The following RBM17 variants were observed in gnomAD, a reference collection of about 807,000 sequenced individuals.
The protein encoded by RBM17 is RNA binding motif protein 17.
A neutral mutation model predicts 53.2 loss-of-function variants in RBM17; 7 were observed. The ratio of observed to expected loss-of-function variants is 0.13; its 90% CI spans 0.07 to 0.25. The LOEUF (loss-of-function observed/expected upper bound fraction) is 0.25, where lower values mean the gene tolerates loss of function less well. Ranked by LOEUF, RBM17 falls within the 10% of genes least tolerant of loss-of-function variation. The probability of loss-of-function intolerance (pLI) is 1.00; values close to 1 mark genes in which losing one functional copy is unlikely to be tolerated. For missense variants in RBM17, 257 were observed against 496.7 expected (o/e 0.52, Z 4.59); for synonymous variants, 167 against 178.1 (o/e 0.94, Z 0.50).
chr10:6,106,104 C>G, intron 4 of RBM17, 37 bp from the exon 5 acceptor site: 1 of 1,485,844 alleles, frequency 6.7e-7, no homozygotes, highest in Non-Finnish European at 9.4e-7. Flanking sequence ...TAAATTGGTT[C>G]ATCTGTGATG....
At chr10:6,098,257 G>T (rs1306906156) in intron 2 of RBM17, among the ~76,000 whole-genome samples, 1 of 152,190 alleles carries the variant, frequency 6.6e-6, no homozygotes, top group African/African-American at 2.4e-5. Context: ...GTTGTGCACA[G>T]TGTATCTGTG....
chr10:6,099,845 G>A (rs1185560718), intron 2 of RBM17, among the ~76,000 whole-genome samples: 12 of 152,062 alleles, frequency 7.9e-5, no homozygotes, highest in Admixed American at 7.9e-4. Flanking sequence ...ATCACCTGAG[G>A]TCAGGAGTTT....
chr10:6,109,462 G>A (rs1297279979), intron 6 of RBM17, among the ~76,000 whole-genome samples: 1 of 152,138 alleles, frequency 6.6e-6, no homozygotes, highest in Non-Finnish European at 1.5e-5. Flanking sequence ...CTAGTCTCTG[G>A]GAGTGGGGCT....
intron 5 of RBM17, 22 bp downstream of exon 5, chr10:6,106,260 C>G (rs1564568152): frequency 1.4e-6 from 2 of 1,457,238 alleles, no homozygotes. Context: ...ACAAATATGT[C>G]TTAAACATAT....
chr10:6,107,500 T>TTTTG (rs1554835490), intron 5 of RBM17, among the ~76,000 whole-genome samples: 3 of 131,926 alleles, frequency 2.3e-5, no homozygotes, highest in South Asian at 2.4e-4. Context: ...TTTTTTTTTT[T>TTTTG]GGAGACACTC....
intron 3 of RBM17, among the ~76,000 whole-genome samples, chr10:6,104,678 A>G (rs1840720692): frequency 6.6e-6 from 1 of 152,202 alleles, no homozygotes; most frequent in African/African-American, 2.4e-5. Flanking sequence ...TTATTTAGGA[A>G]TTCCAGGAAA....
intron 2 of RBM17, among the ~76,000 whole-genome samples, chr10:6,098,598 C>T (rs770049205): frequency 2.2e-4 from 16 of 71,364 alleles, no homozygotes; most frequent in Non-Finnish European, 2.8e-4. Flanking sequence ...TTTTTTGAGA[C>T]GTAGTCTCAC....
In RBM17 at chr10:6,112,030, C is replaced by G. The variant is rs74900720; in HGVS notation, c.705-180C>G. Among the ~76,000 whole-genome samples the G allele has an allele frequency of 2.0e-5, 3 of 152,148 alleles. No individual in the cohort carries two copies. The highest frequency in any genetic ancestry group is 4.4e-5 in the Non-Finnish European group (3 of 68,020). On this transcript the variant is annotated intron_variant, in intron 7 of 11. Transcript: ENST00000379888. The surrounding 1 kb of genome is among the most constrained non-coding windows in gnomAD (Gnocchi z 4.4). Reference sequence around the variant, plus strand: ...TATTCATAGCTTTTTCTATTTCTTTCATGCTGCACATCCCCACAGCTTCCA... The same window carrying G: ...TATTCATAGCTTTTTCTATTTCTTTGATGCTGCACATCCCCACAGCTTCCA...
At chr10:6,111,819 T>C (rs1380024228) in intron 7 of RBM17, among the ~76,000 whole-genome samples, 1 of 152,220 alleles carries the variant, frequency 6.6e-6, no homozygotes, top group Non-Finnish European at 1.5e-5. Context: ...AATGGGATCA[T>C]CTTCATTGTA....
At chr10:6,107,295 G>A (rs1318276178) in intron 5 of RBM17, among the ~76,000 whole-genome samples, 4 of 151,464 alleles carry the variant, frequency 2.6e-5, no homozygotes, top group Admixed American at 6.6e-5. Flanking sequence ...CTCTTGCCTC[G>A]GCCTCCAGAG....
Position 6,108,726 on chromosome 10 carries a change from A to G in RBM17, c.546A>G (p.Val182=). The G allele has an allele frequency of 6.2e-7, 1 of 1,612,308 alleles. No homozygotes were observed. The highest frequency in any genetic ancestry group is 8.5e-7 in the Non-Finnish European group (1 of 1,179,066). ...GAAIAPPTSL[V]EKDKELPRDF... ...CCATTGCCCCACCCACTTCTCTGGT[A>G]GAGAAAGACAAAGAGTGTAAGTAGA... is the stretch of plus-strand genomic sequence containing the variant. Residue 182 remains valine, a synonymous_variant, in exon 6 of 12, where the codon GTA becomes GTG. Coordinates refer to ENST00000379888, the MANE Select transcript of RBM17 (RefSeq NM_032905.5).
At chr10:6,109,860 T>C in intron 6 of RBM17, 126 bp from the exon 7 acceptor site, 1 of 724,924 alleles carries the variant, frequency 1.4e-6, no homozygotes, top group Non-Finnish European at 2.1e-6. Flanking sequence ...TGATTTGGTG[T>C]TTTTCTCTCC....
intron 6 of RBM17, among the ~76,000 whole-genome samples, chr10:6,109,611 C>T (rs1317507531): frequency 1.3e-5 from 2 of 152,186 alleles, no homozygotes; most frequent in Non-Finnish European, 2.9e-5. Flanking sequence ...GGGGTCTAGA[C>T]AGGTGCACCC....
intron 2 of RBM17, 86 bp downstream of exon 2, chr10:6,097,274 C>A: frequency 1.4e-6 from 2 of 1,391,750 alleles, no homozygotes; most frequent in Non-Finnish European, 2.0e-6. Context: ...TCAGCTTGCT[C>A]TTCTGCCTTT....
chr10:6,115,657 CAAGACTCTTGG>C lies in RBM17; in HGVS notation c.*105_*115del. On this transcript the variant is annotated 3_prime_UTR_variant, in exon 12 of 12. Coordinates refer to ENST00000379888, the MANE Select transcript of RBM17 (RefSeq NM_032905.5). ...CACAGCCTCCATGGCTGTTGCATAC[CAAGACTCTTGG>C]AAGGACTTCTAAGATATATGTTGAT... 1.4e-6 allele frequency: 1 copy of C among 731,986 alleles called. No homozygotes were observed. Among genetic ancestry groups the C allele is most frequent in the Non-Finnish European group, 2.4e-6 (1 of 417,060 alleles). 45.3% of individuals were successfully genotyped at this position (731,986 alleles called of 1,614,324 possible).
At position 6,115,370 on chromosome 10, in the gene RBM17, T is replaced by A. The variant is rs1840898723; in HGVS notation, c.1102+59T>A. On this transcript the variant is annotated intron_variant, in intron 11 of 11. Transcript: ENST00000379888. ...AAGTTGAATTTACAGCCTTAATCTT[T>A]ACAAGTAAAGTTACTGTTTAATTAA... The A allele has an allele frequency of 2.6e-6, 4 of 1,539,006 alleles. No homozygotes were observed. The Admixed American group carries it at 5.1e-5, about 19-fold the overall frequency.
intron 3 of RBM17, among the ~76,000 whole-genome samples, chr10:6,103,830 T>A (rs1254164883): frequency 6.6e-6 from 1 of 152,212 alleles, no homozygotes; most frequent in Non-Finnish European, 1.5e-5. Flanking sequence ...CTTGATTTTG[T>A]CAGTTCTGTG....
rs1588339998 is a variant in RBM17 at position 6,089,626 on chromosome 10, C to T, written c.-19+433C>T. On this transcript the variant is annotated intron_variant, in intron 1 of 11. Transcript: ENST00000379888. This position sits in a 1 kb window ranked among gnomAD's most constrained non-coding sequence, Gnocchi z 5.6. ...TCTGGGGCTCGGAGCCGGTTCCTCC[C>T]GGGGTCTCAGAACTGGGAGTGCAGA... The T allele has an allele frequency of 1.3e-5, 2 of 152,578 alleles. No individual in the cohort carries two copies. The highest frequency in any genetic ancestry group is 6.5e-5 in the Admixed American group (1 of 15,276). 9.5% of individuals were successfully genotyped at this position (152,578 alleles called of 1,614,324 possible). A position where few individuals can be genotyped will look rare whatever the true frequency, so the allele number is the denominator to read the frequency against.
At chr10:6,104,198 C>T (rs937730955) in intron 3 of RBM17, among the ~76,000 whole-genome samples, 1 of 152,222 alleles carries the variant, frequency 6.6e-6, no homozygotes, top group African/African-American at 2.4e-5. Context: ...TCCTAGTATA[C>T]TGGCTGTGCT....
Sources: gnomAD v4.1 joint callset for allele counts (sites outside exome capture counted in the v4.1 genomes callset) on GRCh38, gnomAD v4.1.1 for gene constraint, Gnocchi (gnomAD v3.1) non-coding constraint, MANE v1.5 for transcripts, NCBI Gene and HGNC (gene_info 2026-07-23, HGNC 2026-07-21) for gene names.